RAB7A: variants seen among roughly 807,000 people sequenced by gnomAD.
RAB7A encodes RAB7A, member RAS oncogene family.
RAB7A carries 2 observed loss-of-function variants against 24.5 expected under a neutral mutation model. That is an observed-to-expected ratio of 0.08 (90% CI 0.03 to 0.26). The LOEUF (loss-of-function observed/expected upper bound fraction) is 0.26. RAB7A is among the 10% of genes least tolerant of loss of function. RAB7A has a pLI of 1.00. For missense variants in RAB7A, 118 were observed against 255.7 expected (o/e 0.46, Z 3.67); for synonymous variants, 100 against 95.9 (o/e 1.04, Z -0.25).
chr3:128,773,012 C>G (rs1351321997), intron 1 of RAB7A, among the ~76,000 whole-genome samples: 1 of 152,128 alleles, frequency 6.6e-6, no homozygotes, highest in African/African-American at 2.4e-5. Context: ...CGGCCACCAC[C>G]CCGTCTGGGA....
chr3:128,788,390 A>T (rs1044026195), intron 1 of RAB7A, among the ~76,000 whole-genome samples: 2 of 152,218 alleles, frequency 1.3e-5, no homozygotes, highest in Non-Finnish European at 1.5e-5. Context: ...AAATCATGCT[A>T]ATTTTGCTGT....
rs910585514 is a variant in RAB7A, at chr3:128,813,198, C to G, written c.529-129C>G. ...GCTCCCTTAACTGTGTGGGCAGGCT[C>G]TGCTTCACAGCTCCCCGCCCACTCT... On this transcript the variant is annotated intron_variant, in intron 5 of 5. Transcript: ENST00000265062. 2.2e-5 allele frequency: 19 copies of G among 876,300 alleles called. No individual in the cohort carries two copies. The African/African-American group carries it at 2.5e-4, about 11-fold the overall frequency. 54.3% of individuals were successfully genotyped at this position (876,300 alleles called of 1,614,324 possible). A position where few individuals can be genotyped will look rare whatever the true frequency, so the allele number is the denominator to read the frequency against.
chr3:128,769,095 T>C (rs148084472), intron 1 of RAB7A, among the ~76,000 whole-genome samples: 1 of 150,636 alleles, frequency 6.6e-6, no homozygotes, highest in East Asian at 2.0e-4. Context: ...GGTCTTGCCA[T>C]GTTGCCCAGG....
chr3:128,757,881 A>G (rs967145222), intron 1 of RAB7A, among the ~76,000 whole-genome samples: 1 of 151,950 alleles, frequency 6.6e-6, no homozygotes, highest in Non-Finnish European at 1.5e-5. Flanking sequence ...CTGGTCTCCA[A>G]CTCCTGGGCT....
intron 1 of RAB7A, among the ~76,000 whole-genome samples, chr3:128,779,723 C>T (rs1436456858): frequency 1.3e-5 from 2 of 152,104 alleles, no homozygotes; most frequent in South Asian, 2.1e-4. Context: ...TCCTGAGTAG[C>T]TGGGAGTAGG....
chr3:128,785,171 T>C (rs1409170619), intron 1 of RAB7A: 1 of 152,004 alleles, frequency 6.6e-6, no homozygotes, highest in Non-Finnish European at 1.5e-5. Context: ...TGCATACCTA[T>C]AGTCCCAGCC....
At chr3:128,796,750 C>T (rs139891563) in intron 2 of RAB7A, among the ~76,000 whole-genome samples, 1,806 of 152,192 alleles carry the variant, frequency 0.012, 33 homozygotes, top group African/African-American at 0.039. Flanking sequence ...GCAGCCTCAA[C>T]CTCCTGGTCT....
At chr3:128,765,019 G>A in intron 1 of RAB7A, 1 of 1,538,318 alleles carries the variant, frequency 6.5e-7, no homozygotes, top group Non-Finnish European at 8.9e-7. Context: ...AGTTGTCATG[G>A]CAGCAACTAA....
intron 1 of RAB7A, among the ~76,000 whole-genome samples, chr3:128,745,488 T>C (rs2070603353): frequency 6.6e-6 from 1 of 152,146 alleles, no homozygotes; most frequent in Admixed American, 6.5e-5. Context: ...CGCAGCCTCC[T>C]GAGTAGCTGG....
At position 128,746,189 on chromosome 3, in the gene RAB7A, T is replaced by G. The variant is rs142364692; in HGVS notation, c.-9+19830T>G. On this transcript the variant is annotated intron_variant, in intron 1 of 5. Coordinates refer to ENST00000265062, the MANE Select transcript of RAB7A (RefSeq NM_004637.6). Reference sequence around the variant, plus strand: ...CTTTGATAAACAACCCTCCATTATTTCTCTCTCCCACCACCCCAGCCTCTG... The same window carrying G: ...CTTTGATAAACAACCCTCCATTATTGCTCTCTCCCACCACCCCAGCCTCTG... Among the ~76,000 whole-genome samples, 3 of 152,322 alleles carry G rather than the reference T, an allele frequency of 2.0e-5. No homozygotes were observed. In the East Asian group the frequency reaches 5.8e-4, roughly 29 times the overall value.
chr3:128,813,344 G>A lies in RAB7A; in HGVS notation c.546G>A (p.Leu182=), dbSNP rs1576306729. The A allele has an allele frequency of 6.2e-7, 1 of 1,614,158 alleles. No homozygotes were observed. Reference sequence around the variant, plus strand: ...TTGTCCAGGAAACGGAGGTGGAGCTGTACAACGAATTTCCTGAACCTATCA... The same window carrying A: ...TTGTCCAGGAAACGGAGGTGGAGCTATACAACGAATTTCCTGAACCTATCA... ...NALKQETEVE[L]YNEFPEPIKL... Residue 182 remains leucine (L), a synonymous_variant, in exon 6 of 6, where the codon CTG becomes CTA. Transcript: ENST00000265062.
intron 1 of RAB7A, among the ~76,000 whole-genome samples, chr3:128,781,185 T>TA (rs1450075031): frequency 6.6e-6 from 1 of 152,242 alleles, no homozygotes; most frequent in Non-Finnish European, 1.5e-5. Flanking sequence ...TGTGAGAGAT[T>TA]ACAGTAGTGA....
chr3:128,813,461 C>G lies in RAB7A; in HGVS notation c.*39C>G, dbSNP rs986226639. On this transcript the variant is annotated 3_prime_UTR_variant, in exon 6 of 6. Coordinates refer to ENST00000265062, the MANE Select transcript of RAB7A (RefSeq NM_004637.6). ...GTTGAGCACAGAGTCCTTCACAAAC[C>G]AAGAACACACGTAGGCCTTCAACAC... 1 of 1,560,010 alleles carries G rather than the reference C, an allele frequency of 6.4e-7. No homozygotes were observed. Among genetic ancestry groups the G allele is most frequent in the Non-Finnish European group, 8.8e-7 (1 of 1,131,702 alleles).
intron 1 of RAB7A, among the ~76,000 whole-genome samples, chr3:128,732,634 C>G (rs915710954): frequency 3.9e-5 from 6 of 151,998 alleles, no homozygotes; most frequent in African/African-American, 1.2e-4. Context: ...TTCAAGACCA[C>G]CTTCAGCAAC....
At chr3:128,802,932 G>A (rs1424535371) in intron 3 of RAB7A, among the ~76,000 whole-genome samples, 1 of 152,156 alleles carries the variant, frequency 6.6e-6, no homozygotes, top group Non-Finnish European at 1.5e-5. Flanking sequence ...GGCCTCCCAA[G>A]TAGCTGGGAT....
Position 128,740,859 on chromosome 3 carries a change from C to T in RAB7A, c.-9+14500C>T, listed in dbSNP as rs560577273. ...GAGGCTACAGGAAGCCATGATAATT[C>T]CACTGTACTCCAGCCTAGGTGACAG... On this transcript the variant is annotated intron_variant, in intron 1 of 5. Coordinates refer to ENST00000265062, the MANE Select transcript of RAB7A (RefSeq NM_004637.6). Among the ~76,000 whole-genome samples, 143 of 134,880 alleles carry T rather than the reference C, an allele frequency of 1.1e-3. 2 individuals are homozygous for T. The highest frequency in any genetic ancestry group is 1.7e-3 in the Non-Finnish European group (108 of 64,644). The allele number at this position is 134,880 out of a possible 152,430, so 88.5% of individuals were successfully genotyped here. A position where few individuals can be genotyped will look rare whatever the true frequency, so the allele number is the denominator to read the frequency against.
In RAB7A at chr3:128,781,970, G is replaced by A. The variant is rs146265318; in HGVS notation, c.-8-13390G>A. ...AGAAGTTGCAGTGAGCCAAGATCGC[G>A]CCACTGCACTCCAGCCTGGGCGACA... On this transcript the variant is annotated intron_variant, in intron 1 of 5. Coordinates refer to ENST00000265062, the MANE Select transcript of RAB7A (RefSeq NM_004637.6). 8.6e-3 allele frequency among the ~76,000 whole-genome samples: 1,302 copies of A among 152,160 alleles called. 23 individuals carry two copies. The highest frequency in any genetic ancestry group is 0.03 in the African/African-American group (1,226 of 41,496).
intron 3 of RAB7A, chr3:128,799,290 T>G (rs1226513496): frequency 6.6e-6 from 1 of 152,098 alleles, no homozygotes; most frequent in African/African-American, 2.4e-5. Context: ...AATCATGTGC[T>G]GCTCTTACAG....
intron 1 of RAB7A, among the ~76,000 whole-genome samples, chr3:128,759,641 A>T (rs532805928): frequency 6.6e-6 from 1 of 152,242 alleles, no homozygotes; most frequent in Admixed American, 6.5e-5. Flanking sequence ...CTTGGGCGTT[A>T]CAACACCCCA....
Sources: allele counts gnomAD v4.1 joint callset (sites outside exome capture counted in the v4.1 genomes callset), GRCh38; gene constraint gnomAD v4.1.1; transcripts MANE v1.5; gene names NCBI Gene and HGNC (gene_info 2026-07-23, HGNC 2026-07-21).